Variants in PPFIA3 observed in about 807,000 individuals in gnomAD.
PPFIA3 encodes the protein liprin-alpha-3.
In PPFIA3, 26 loss-of-function variants were observed where a neutral mutation model predicts 145.8. That is an observed-to-expected ratio of 0.18 (90% confidence interval 0.13 to 0.25). The LOEUF is 0.25. Ranked by LOEUF, PPFIA3 falls within the 10% of genes least tolerant of loss-of-function variation. PPFIA3 has a pLI of 1.00. For missense variants in PPFIA3, 1,008 were observed against 1,587.8 expected, an observed-to-expected ratio of 0.63 and a Z score of 6.21; for synonymous variants, 645 against 661.4, an observed-to-expected ratio of 0.98 and a Z score of 0.38.
At chr19:49,142,711 C>T in intron 20 of PPFIA3, 93 bp from the exon 21 acceptor site, 1 of 1,107,044 alleles carries the variant, frequency 9.0e-7, no homozygotes, top group Non-Finnish European at 1.3e-6. Flanking sequence ...TCCCCACCCC[C>T]TTGCCTTTCC....
intron 21 of PPFIA3, among the ~76,000 whole-genome samples, chr19:49,143,864 TA>T (rs752935993): frequency 6.6e-6 from 1 of 152,160 alleles, no homozygotes; most frequent in Non-Finnish European, 1.5e-5. Context: ...TTTCTGATTT[TA>T]AAAAGTTTTT....
intron 21 of PPFIA3, among the ~76,000 whole-genome samples, chr19:49,144,994 G>C (rs1339107845): frequency 6.7e-6 from 1 of 148,888 alleles, no homozygotes; most frequent in East Asian, 2.0e-4. Context: ...GCAGTGGTGC[G>C]ATCTTGGCTC....
intron 11 of PPFIA3, 127 bp from the exon 12 acceptor site, chr19:49,134,512 A>T: frequency 1.1e-6 from 1 of 894,046 alleles, no homozygotes; most frequent in Non-Finnish European, 1.8e-6. Context: ...CCCGAAACTC[A>T]CCACTTGTGT....
Position 49,128,725 on chromosome 19 carries a change from T to C in PPFIA3, c.343-123T>C, listed in dbSNP as rs2041034241. The C allele has an allele frequency of 2.9e-6, 3 of 1,020,818 alleles. No individual in the cohort carries two copies. The highest frequency in any genetic ancestry group is 4.3e-6 in the Non-Finnish European group (3 of 699,882). 63.2% of individuals were successfully genotyped at this position (1,020,818 alleles called of 1,614,324 possible). On this transcript the variant is annotated intron_variant, in intron 3 of 29. Coordinates refer to ENST00000334186, the MANE Select transcript of PPFIA3 (RefSeq NM_003660.4). This position sits in a 1 kb window ranked among gnomAD's most constrained non-coding sequence, Gnocchi z 4.1. ...ACCTCCTCTCTTTTCCTGACCTGTC[T>C]CGGTGCTCCTTTATATGGCTCCATC...
In PPFIA3 at chr19:49,134,346, T is replaced by A. The variant is rs183580933; in HGVS notation, c.1377+181T>A. On this transcript the variant is annotated intron_variant, in intron 11 of 29. Transcript: ENST00000334186. Reference sequence around the variant, plus strand: ...ACCGCTTTTTCACCTATTCTAGACGTTCCAAGAGCCGAATTCTGGGGCACC... The same window carrying A: ...ACCGCTTTTTCACCTATTCTAGACGATCCAAGAGCCGAATTCTGGGGCACC... Among the ~76,000 whole-genome samples, 291 of 152,246 alleles carry A rather than the reference T, an allele frequency of 1.9e-3. 4 individuals carry two copies. Among genetic ancestry groups the A allele is most frequent in the African/African-American group, 6.8e-3 (281 of 41,556 alleles).
At chr19:49,144,835 C>T (rs758254513) in intron 21 of PPFIA3, among the ~76,000 whole-genome samples, 3 of 152,006 alleles carry the variant, frequency 2.0e-5, no homozygotes, top group Non-Finnish European at 2.9e-5. Flanking sequence ...CCCAAAATTA[C>T]TTTAGTGGGT....
At position 49,134,990 on chromosome 19, in the gene PPFIA3, C is replaced by A. The variant is rs1030758583; in HGVS notation, c.1520+75C>A. 7 of 1,290,744 alleles carry A rather than the reference C, an allele frequency of 5.4e-6. No individual in the cohort carries two copies. The Admixed American group carries it at 1.1e-4, about 19-fold the overall frequency. The allele number at this position is 1,290,744 out of a possible 1,614,324, so 80.0% of individuals were successfully genotyped here. A position where few individuals can be genotyped will look rare whatever the true frequency, so the allele number is the denominator to read the frequency against. ...AGCGCCAAGCTCCTCCCTTCTGATC[C>A]CCACTTCCTGTCCTCCTGAGACTTC... is the stretch of plus-strand genomic sequence containing the variant. On this transcript the variant is annotated intron_variant, in intron 13 of 29. Coordinates refer to ENST00000334186, the MANE Select transcript of PPFIA3 (RefSeq NM_003660.4).
intron 1 of PPFIA3, among the ~76,000 whole-genome samples, chr19:49,122,243 G>C (rs2040945042): frequency 6.6e-6 from 1 of 151,230 alleles, no homozygotes; most frequent in South Asian, 2.1e-4. Context: ...ACCATGCCCG[G>C]CTAATTTTTT....
chr19:49,129,557 G>C, intron 5 of PPFIA3, 103 bp downstream of exon 5: 1 of 1,261,202 alleles, frequency 7.9e-7, no homozygotes, highest in Admixed American at 2.1e-5. Context: ...GAATCTATTG[G>C]GGCAGGACTA....
intron 11 of PPFIA3, among the ~76,000 whole-genome samples, 158 bp downstream of exon 11, chr19:49,134,323 C>A (rs2041111610): frequency 6.6e-6 from 1 of 152,280 alleles, no homozygotes; most frequent in Non-Finnish European, 1.5e-5. Context: ...TTGCCCAGAC[C>A]GCTTTTTCAC....
intron 18 of PPFIA3, among the ~76,000 whole-genome samples, chr19:49,140,800 G>A (rs1413002237): frequency 6.6e-6 from 1 of 151,526 alleles, no homozygotes; most frequent in Non-Finnish European, 1.5e-5. Flanking sequence ...GACTACAGGC[G>A]CCCACCACCA....
chr19:49,128,418 G>C lies in PPFIA3; in HGVS notation c.292G>C (p.Glu98Gln). ...ELNLCREQLL[E>Q]REEEIAELKA... ...GAACTTATGTCGGGAGCAGCTGCTG[G>C]AGAGGGAGGAAGAGATTGCAGAGCT... Residue 98 changes from glutamate (E) to glutamine (Q), a missense_variant, in exon 3 of 30, where the codon GAG becomes CAG. By Grantham distance (29) the Glu-to-Gln change is conservative. Transcript: ENST00000334186. This position sits in a 1 kb window ranked among gnomAD's most constrained non-coding sequence, Gnocchi z 4.1. 2 of 1,613,136 alleles carry C rather than the reference G, an allele frequency of 1.2e-6. No individual in the cohort carries two copies. Among genetic ancestry groups the C allele is most frequent in the Non-Finnish European group, 1.7e-6 (2 of 1,179,728 alleles).
intron 1 of PPFIA3, among the ~76,000 whole-genome samples, chr19:49,122,394 A>G (rs1349739862): frequency 6.6e-6 from 1 of 151,888 alleles, no homozygotes; most frequent in Non-Finnish European, 1.5e-5. Flanking sequence ...TGTTTTTTTC[A>G]TATATTTAGA....
chr19:49,135,046 TG>T, intron 13 of PPFIA3, 131 bp downstream of exon 13: 1 of 768,360 alleles, frequency 1.3e-6, no homozygotes, highest in Non-Finnish European at 2.0e-6. Flanking sequence ...TTTGTTTGTT[TG>T]TTTGTTTGTT....
chr19:49,142,546 T>C (rs1456174585), intron 20 of PPFIA3, among the ~76,000 whole-genome samples: 1 of 148,096 alleles, frequency 6.8e-6, no homozygotes. Flanking sequence ...TCTCTCTCTC[T>C]CTCTTTCTCT....
chr19:49,124,991 C>T (rs904913414), intron 1 of PPFIA3, among the ~76,000 whole-genome samples: 6 of 151,962 alleles, frequency 3.9e-5, no homozygotes, highest in African/African-American at 1.2e-4. Context: ...CGCTTGAACC[C>T]GGGAGGCAGA....
At chr19:49,144,872 C>T (rs1024728700) in intron 21 of PPFIA3, among the ~76,000 whole-genome samples, 22 of 151,966 alleles carry the variant, frequency 1.4e-4, no homozygotes, top group African/African-American at 4.8e-4. Context: ...AACACCACAT[C>T]CTTTATCACA....
chr19:49,138,500 A>G, intron 16 of PPFIA3, 73 bp downstream of exon 16: 2 of 1,294,358 alleles, frequency 1.5e-6, no homozygotes, highest in African/African-American at 3.0e-5. Flanking sequence ...CCCAGTGTAC[A>G]GCAACAATAA....
chr19:49,136,638 C>A, intron 14 of PPFIA3, 86 bp from the exon 15 acceptor site: 2 of 888,838 alleles, frequency 2.3e-6, no homozygotes, highest in Non-Finnish European at 3.1e-6. Flanking sequence ...TCAGTGAGGT[C>A]GGGCAAGTCA....
Sources: allele counts gnomAD v4.1 joint callset (sites outside exome capture counted in the v4.1 genomes callset), GRCh38; gene constraint gnomAD v4.1.1; non-coding constraint Gnocchi (gnomAD v3.1); transcripts MANE v1.5; gene names NCBI Gene and HGNC (gene_info 2026-07-23, HGNC 2026-07-21).